Variants in SCN8A observed in about 807,000 individuals in gnomAD.
The protein encoded by SCN8A is sodium voltage-gated channel alpha subunit 8.
Under a neutral mutation model 184.1 loss-of-function variants are expected in SCN8A, and 30 were observed. The observed-to-expected ratio is 0.16, with a 90% CI of 0.12 to 0.22. SCN8A has a LOEUF of 0.22. Among genes scored for constraint, SCN8A ranks in the 10% least tolerant of loss-of-function variants. SCN8A has a pLI of 1.00. For synonymous variants in SCN8A, 852 were observed against 907.0 expected, an observed-to-expected ratio of 0.94 and a Z score of 1.09; for missense variants, 1,057 against 2,498.9, an observed-to-expected ratio of 0.42 and a Z score of 12.30.
At chr12:51,728,889 A>G (rs970246977) in intron 12 of SCN8A, among the ~76,000 whole-genome samples, 1 of 152,018 alleles carries the variant, frequency 6.6e-6, no homozygotes, top group Non-Finnish European at 1.5e-5. Context: ...ACTTTTTATT[A>G]CCTTGACTAC....
At chr12:51,621,022 G>A (rs762543747) in intron 1 of SCN8A, among the ~76,000 whole-genome samples, 2 of 152,046 alleles carry the variant, frequency 1.3e-5, no homozygotes, top group African/African-American at 2.4e-5. Flanking sequence ...CAGAAACCAC[G>A]GTGGAGCAGA....
At chr12:51,714,630 C>A (rs1357252800) in intron 11 of SCN8A, among the ~76,000 whole-genome samples, 1 of 152,064 alleles carries the variant, frequency 6.6e-6, no homozygotes, top group African/African-American at 2.4e-5. Context: ...CAGTGTTATA[C>A]TAGAAAGAAA....
intron 26 of SCN8A, among the ~76,000 whole-genome samples, chr12:51,799,738 A>ATG (rs1938502455): frequency 6.6e-6 from 1 of 152,212 alleles, no homozygotes; most frequent in South Asian, 2.1e-4. Flanking sequence ...ACATACTCAA[A>ATG]TGAGGAATGT....
chr12:51,635,335 T>C (rs1002437749), intron 1 of SCN8A, among the ~76,000 whole-genome samples: 2 of 152,210 alleles, frequency 1.3e-5, no homozygotes, highest in African/African-American at 4.8e-5. Flanking sequence ...TGTATTGTAA[T>C]TGGCTGGTAA....
intron 15 of SCN8A, 114 bp from the exon 16 acceptor site, chr12:51,765,557 G>T: frequency 3.0e-6 from 2 of 671,340 alleles, no homozygotes; most frequent in Non-Finnish European, 4.9e-6. Flanking sequence ...TTTTCCAAGG[G>T]TGCTCAATAT....
intron 1 of SCN8A, among the ~76,000 whole-genome samples, chr12:51,652,980 A>T (rs1163506624): frequency 6.6e-6 from 1 of 152,172 alleles, no homozygotes; most frequent in African/African-American, 2.4e-5. Flanking sequence ...TTTAAAAAAG[A>T]TTGTAGTAAA....
chr12:51,749,111 A>G (rs1008418792), intron 13 of SCN8A, among the ~76,000 whole-genome samples: 1 of 152,232 alleles, frequency 6.6e-6, no homozygotes, highest in Non-Finnish European at 1.5e-5. Context: ...GGAACCAGTA[A>G]CAGTTTGCAA....
intron 1 of SCN8A, among the ~76,000 whole-genome samples, chr12:51,609,293 A>G (rs927963830): frequency 3.9e-5 from 6 of 152,200 alleles, no homozygotes; most frequent in African/African-American, 1.4e-4. Context: ...AAATGGATTC[A>G]TAGTTTAAAT....
At chr12:51,621,175 ATTAC>A (rs1939953989) in intron 1 of SCN8A, among the ~76,000 whole-genome samples, 1 of 152,318 alleles carries the variant, frequency 6.6e-6, no homozygotes, top group South Asian at 2.1e-4. Context: ...GAAATTTTTT[ATTAC>A]TTAGGTGCTA....
At chr12:51,715,733 G>GTGAA (rs1238970038) in intron 11 of SCN8A, among the ~76,000 whole-genome samples, 2 of 150,294 alleles carry the variant, frequency 1.3e-5, no homozygotes, top group African/African-American at 2.5e-5. Flanking sequence ...CTTTCCTAAT[G>GTGAA]TGAAGGCCTA....
intron 1 of SCN8A, among the ~76,000 whole-genome samples, chr12:51,611,987 C>G (rs1024620097): frequency 1.3e-5 from 2 of 152,090 alleles, no homozygotes; most frequent in Non-Finnish European, 2.9e-5. Context: ...AGTTTTATTT[C>G]TTCCTGTCTA....
In SCN8A at chr12:51,794,423, T is replaced by C. The variant is rs760758380; in HGVS notation, c.4577T>C (p.Ile1526Thr). 1 of 1,613,942 alleles carries C rather than the reference T, an allele frequency of 6.2e-7. No homozygotes were observed. The highest frequency in any genetic ancestry group is 8.5e-7 in the Non-Finnish European group (1 of 1,179,850). ...FDFVTQQAFD[I>T]VIMMLICLNM... is the part of the protein sequence containing the mutation. Reference sequence around the variant, plus strand: ...TTTGTCACTCAGCAAGCCTTTGACATTGTTATCATGATGCTCATCTGCCTT... The same window carrying C: ...TTTGTCACTCAGCAAGCCTTTGACACTGTTATCATGATGCTCATCTGCCTT... Residue 1526 changes from isoleucine to threonine, a missense_variant, in exon 26 of 27, where the codon ATT becomes ACT. Ile to Thr is a moderately conservative substitution (Grantham distance 89). This residue lies in a region of SCN8A where 37 missense variants were observed against 216.1 expected (regional missense o/e 0.17). Coordinates refer to ENST00000627620, the MANE Select transcript of SCN8A (RefSeq NM_001330260.2).
chr12:51,639,526 C>T (rs554192924), intron 1 of SCN8A, among the ~76,000 whole-genome samples: 1 of 148,102 alleles, frequency 6.8e-6, no homozygotes, highest in Admixed American at 6.6e-5. Context: ...GTGATCCTCT[C>T]ACCTCAGCCT....
intron 1 of SCN8A, among the ~76,000 whole-genome samples, chr12:51,601,480 C>A (rs1939462614): frequency 6.6e-6 from 1 of 151,604 alleles, no homozygotes; most frequent in African/African-American, 2.4e-5. Context: ...GAAACTTCAC[C>A]CATAAGTGCC....
chr12:51,680,788 A>G (rs10783466), intron 2 of SCN8A, among the ~76,000 whole-genome samples: 123,490 of 152,072 alleles, frequency 0.81, 51,104 homozygotes, highest in East Asian at 0.99. Flanking sequence ...GATCATCCGA[A>G]GTCAGGAGTT....
intron 19 of SCN8A, among the ~76,000 whole-genome samples, chr12:51,772,558 A>G (rs897160087): frequency 3.9e-5 from 6 of 152,054 alleles, no homozygotes; most frequent in African/African-American, 1.4e-4. Context: ...GGGATTTCCA[A>G]CAGATGGGGT....
chr12:51,772,409 A>G (rs141596012), intron 19 of SCN8A, among the ~76,000 whole-genome samples: 1 of 121,156 alleles, frequency 8.3e-6, no homozygotes, highest in African/African-American at 3.0e-5. Flanking sequence ...AAAAAAAAAA[A>G]ATAACAAAAT....
intron 12 of SCN8A, among the ~76,000 whole-genome samples, chr12:51,735,609 C>A (rs1165521501): frequency 6.6e-6 from 1 of 152,122 alleles, no homozygotes; most frequent in East Asian, 1.9e-4. Flanking sequence ...ACTGGTTGTC[C>A]CGCTTTCCTC....
chr12:51,708,816 T>C (rs749953867), intron 11 of SCN8A, among the ~76,000 whole-genome samples: 1 of 152,224 alleles, frequency 6.6e-6, no homozygotes, highest in Non-Finnish European at 1.5e-5. Context: ...TCCTAAAATG[T>C]AGTTCTCATC....
Sources: allele counts gnomAD v4.1 joint callset (sites outside exome capture counted in the v4.1 genomes callset), GRCh38; gene constraint gnomAD v4.1.1; regional missense constraint gnomAD v4.1.1; transcripts MANE v1.5; gene names NCBI Gene and HGNC (gene_info 2026-07-23, HGNC 2026-07-21).